The following DPY19L2 variants were observed in gnomAD, a reference collection of about 807,000 sequenced individuals.
DPY19L2 encodes dpy-19 like 2.
In DPY19L2, 34 loss-of-function variants were observed where a neutral mutation model predicts 97.9. That is an observed-to-expected ratio of 0.35 (90% CI 0.26 to 0.46). The LOEUF is 0.46. DPY19L2 is among the 20% of genes least tolerant of loss of function. The probability of loss-of-function intolerance (pLI) is 1.00; values close to 1 mark genes in which losing one functional copy is unlikely to be tolerated. For missense variants in DPY19L2, 623 were observed against 911.4 expected (o/e 0.68, Z 4.07); for synonymous variants, 230 against 307.9 (o/e 0.75, Z 2.65).
At chr12:63,583,185 A>G (rs1881238513) in intron 17 of DPY19L2, among the ~76,000 whole-genome samples, 1 of 152,128 alleles carries the variant, frequency 6.6e-6, no homozygotes, top group Admixed American at 6.5e-5. Context: ...GATACTCAAC[A>G]TGTGTCATAA....
upstream of DPY19L2, chr12:63,668,687 C>A: frequency 2.6e-6 from 1 of 391,550 alleles, no homozygotes; most frequent in Non-Finnish European, 4.6e-6. Flanking sequence ...CACGCACAGC[C>A]CCCCACACCC....
intron 3 of DPY19L2, among the ~76,000 whole-genome samples, chr12:63,662,040 C>T (rs1895746653): frequency 6.6e-6 from 1 of 152,106 alleles, no homozygotes; most frequent in Non-Finnish European, 1.5e-5. Context: ...TATTGTTGCT[C>T]ACAAACGCTA....
In DPY19L2 at chr12:63,641,948, T is replaced by G. The variant is rs530144418; in HGVS notation, c.803+2455A>C. Reference sequence around the variant, plus strand: ...GTGGATGAAAGCTCCTTTATCAATCTATTAGATGTGAGTTGGTATTTCACT... The same window carrying G: ...GTGGATGAAAGCTCCTTTATCAATCGATTAGATGTGAGTTGGTATTTCACT... On this transcript the variant is annotated intron_variant, in intron 6 of 21. Transcript: ENST00000324472. 2.2e-3 allele frequency among the ~76,000 whole-genome samples: 342 copies of G among 152,282 alleles called. 2 individuals carry two copies. Among genetic ancestry groups the G allele is most frequent in the Non-Finnish European group, 3.5e-3 (239 of 67,980 alleles).
chr12:63,662,990 T>C (rs921467403), intron 3 of DPY19L2, among the ~76,000 whole-genome samples: 6 of 152,188 alleles, frequency 3.9e-5, no homozygotes, highest in Admixed American at 1.3e-4. Flanking sequence ...ACAGTGGTAA[T>C]AGTTGCAAGA....
chr12:63,629,056 C>T (rs959073655), intron 6 of DPY19L2, among the ~76,000 whole-genome samples: 2 of 151,880 alleles, frequency 1.3e-5, no homozygotes, highest in African/African-American at 4.8e-5. Flanking sequence ...CACACCAAAA[C>T]CCCATCTGTA....
chr12:63,632,055 G>T (rs1382793311), intron 6 of DPY19L2, among the ~76,000 whole-genome samples: 2 of 151,964 alleles, frequency 1.3e-5, no homozygotes, highest in East Asian at 3.9e-4. Context: ...GGTATTGATG[G>T]GACATATCTC....
chr12:63,580,221 T>C (rs1204278337), intron 19 of DPY19L2, among the ~76,000 whole-genome samples: 1 of 152,142 alleles, frequency 6.6e-6, no homozygotes, highest in East Asian at 1.9e-4. Flanking sequence ...GAGACAGCAC[T>C]GATTGCAGTG....
In DPY19L2 at chr12:63,594,123, T is replaced by A; in HGVS notation, c.1544A>T (p.Asp515Val). ...GTTTGTAGCTAAAACATATGAAATA[T>A]CACGAACAGTCTGTGAATAGAATCA... ...TCFIFKKTVR[D>V]ISYVLATNIY... Residue 515 changes from aspartate to valine, a missense_variant, in exon 16 of 22, where the codon GAT becomes GTT. Asp to Val is a radical substitution (Grantham distance 152). This residue lies in a region of DPY19L2 where 294 missense variants were observed against 446.2 expected (regional missense o/e 0.66). Coordinates refer to ENST00000324472, the MANE Select transcript of DPY19L2 (RefSeq NM_173812.5). The A allele has an allele frequency of 6.5e-7, 1 of 1,544,016 alleles. No individual in the cohort carries two copies. Among genetic ancestry groups the A allele is most frequent in the East Asian group, 2.3e-5 (1 of 43,840 alleles).
chr12:63,579,409 C>T (rs1450149720), intron 19 of DPY19L2, among the ~76,000 whole-genome samples: 1 of 152,026 alleles, frequency 6.6e-6, no homozygotes, highest in Admixed American at 6.5e-5. Flanking sequence ...TATGTGGTAA[C>T]CATGAGATAA....
intron 12 of DPY19L2, 81 bp downstream of exon 12, chr12:63,608,535 T>C (rs540203141): frequency 8.2e-7 from 1 of 1,212,856 alleles, no homozygotes; most frequent in East Asian, 2.5e-5. Context: ...CATTAGCATT[T>C]TAAAGCATAT....
At position 63,582,294 on chromosome 12, in the gene DPY19L2, T is replaced by G. The variant is rs1426004127; in HGVS notation, c.1725+112A>C. On this transcript the variant is annotated intron_variant, in intron 18 of 21. Coordinates refer to ENST00000324472, the MANE Select transcript of DPY19L2 (RefSeq NM_173812.5). Reference sequence around the variant, plus strand: ...TTTTAAATCATTTAACTTAGTTAAGTTAAAAACACTTAGTGTGTTTATATT... The same window carrying G: ...TTTTAAATCATTTAACTTAGTTAAGGTAAAAACACTTAGTGTGTTTATATT... 4.5e-6 allele frequency: 5 copies of G among 1,119,212 alleles called. No individual in the cohort carries two copies. The East Asian group carries it at 1.4e-4, about 31-fold the overall frequency. 69.3% of individuals were successfully genotyped at this position (1,119,212 alleles called of 1,614,324 possible).
intron 16 of DPY19L2, among the ~76,000 whole-genome samples, chr12:63,589,388 A>AAAAAAAAAAAAAAAAAAAAAAAAT (rs1882470717): frequency 7.5e-6 from 1 of 132,698 alleles, no homozygotes; most frequent in Admixed American, 7.5e-5. Context: ...AAAAAAAAAA[A>AAAAAAAAAAAAAAAAAAAAAAAAT]AAAAGTAAAG....
At chr12:63,562,949 T>C (rs1386928835) in intron 21 of DPY19L2, among the ~76,000 whole-genome samples, 2 of 151,910 alleles carry the variant, frequency 1.3e-5, no homozygotes, top group African/African-American at 4.8e-5. Context: ...GCGCCCACCA[T>C]CACACCTGGC....
At chr12:63,593,895 A>T (rs1269248061) in intron 16 of DPY19L2, among the ~76,000 whole-genome samples, 192 bp downstream of exon 16, 1 of 152,184 alleles carries the variant, frequency 6.6e-6, no homozygotes, top group East Asian at 1.9e-4. Context: ...ATATATCTCC[A>T]AAACAAGTCC....
chr12:63,587,454 C>T (rs1174255225), intron 16 of DPY19L2, among the ~76,000 whole-genome samples: 1 of 151,456 alleles, frequency 6.6e-6, no homozygotes, highest in African/African-American at 2.4e-5. Context: ...TTTAAAAAAT[C>T]CTCACAGAGC....
chr12:63,628,381 T>C (rs1889953034), intron 6 of DPY19L2, among the ~76,000 whole-genome samples: 1 of 152,128 alleles, frequency 6.6e-6, no homozygotes, highest in African/African-American at 2.4e-5. Flanking sequence ...CAGTGCGCTT[T>C]TCCAACAGTC....
At chr12:63,571,476 T>C (rs1263737924) in intron 19 of DPY19L2, among the ~76,000 whole-genome samples, 1 of 152,160 alleles carries the variant, frequency 6.6e-6, no homozygotes, top group Non-Finnish European at 1.5e-5. Context: ...AAAAAGAATG[T>C]AAAATGTCAC....
chr12:63,577,503 C>T (rs1880060759), intron 19 of DPY19L2, among the ~76,000 whole-genome samples: 1 of 151,964 alleles, frequency 6.6e-6, no homozygotes, highest in African/African-American at 2.4e-5. Flanking sequence ...AGAGACAACC[C>T]AAAGAATAAG....
chr12:63,561,120 G>A (rs1876416563), intron 21 of DPY19L2, among the ~76,000 whole-genome samples: 1 of 152,116 alleles, frequency 6.6e-6, no homozygotes, highest in Non-Finnish European at 1.5e-5. Flanking sequence ...GACTCTTACA[G>A]CAATTTGTTT....
Sources: gnomAD v4.1 joint callset for allele counts (sites outside exome capture counted in the v4.1 genomes callset) on GRCh38, gnomAD v4.1.1 for gene constraint, gnomAD v4.1.1 regional missense constraint, MANE v1.5 for transcripts, NCBI Gene and HGNC (gene_info 2026-07-23, HGNC 2026-07-21) for gene names.